EVI5: variants seen among roughly 807,000 people sequenced by gnomAD.
The protein encoded by EVI5 is ecotropic viral integration site 5.
EVI5 carries 73 observed loss-of-function variants against 112.0 expected under a neutral mutation model. The ratio of observed to expected loss-of-function variants is 0.65; its 90% confidence interval spans 0.54 to 0.79. EVI5 has a LOEUF of 0.79. EVI5 is among the 30% of genes least tolerant of loss of function. The probability of loss-of-function intolerance (pLI) is 0.00; values close to 1 mark genes in which losing one functional copy is unlikely to be tolerated. For synonymous variants in EVI5, 305 were observed against 319.9 expected, an observed-to-expected ratio of 0.95 and a Z score of 0.50; for missense variants, 900 against 968.8, an observed-to-expected ratio of 0.93 and a Z score of 0.94.
chr1:92,611,260 G>A (rs1287399604), intron 16 of EVI5, among the ~76,000 whole-genome samples: 1 of 151,852 alleles, frequency 6.6e-6, no homozygotes, highest in African/African-American at 2.4e-5. Flanking sequence ...CAAATCAAGG[G>A]AAAAACTGAG....
At position 92,697,787 on chromosome 1, in the gene EVI5, C is replaced by CTT. The variant is rs927956064; in HGVS notation, c.765+71_765+72dup. Reference sequence around the variant, plus strand: ...TTTAATGCTTTTAACATTAAATTTGCTTAGTTGGCACTCAGAACAAGATAT... The same window carrying CTT: ...TTTAATGCTTTTAACATTAAATTTGCTTTTAGTTGGCACTCAGAACAAGATAT... On this transcript the variant is annotated intron_variant, in intron 6 of 19. Transcript: ENST00000684568. 31 of 1,223,196 alleles carry CTT rather than the reference C, an allele frequency of 2.5e-5. No homozygotes were observed. In the African/African-American group the frequency reaches 4.3e-4, roughly 17 times the overall value. The allele number at this position is 1,223,196 out of a possible 1,614,324, so 75.8% of individuals were successfully genotyped here.
rs1402145834 is a variant in EVI5 at position 92,760,456 on chromosome 1, G to A, written c.-81-23829C>T. Among the ~76,000 whole-genome samples, 4 of 152,298 alleles carry A rather than the reference G, an allele frequency of 2.6e-5. 1 individual carries two copies. The highest frequency in any genetic ancestry group is 1.9e-4 in the East Asian group (1 of 5,180). Reference sequence around the variant, plus strand: ...ACAAAAGTTGGCTAAAAGAAGCGGGGCACAGTGGCTCATGCTTGTAATCCC... The same window carrying A: ...ACAAAAGTTGGCTAAAAGAAGCGGGACACAGTGGCTCATGCTTGTAATCCC... On this transcript the variant is annotated intron_variant, in intron 1 of 19. Coordinates refer to ENST00000684568, the MANE Select transcript of EVI5 (RefSeq NM_001350197.2).
chr1:92,558,837 T>TAAA (rs35604457), intron 19 of EVI5, among the ~76,000 whole-genome samples: 1 of 120,760 alleles, frequency 8.3e-6, no homozygotes, highest in Non-Finnish European at 1.8e-5. Context: ...CCCCCATCTC[T>TAAA]AAAAAAAAAA....
intron 1 of EVI5, among the ~76,000 whole-genome samples, chr1:92,740,534 A>C (rs568595980): frequency 2.6e-4 from 39 of 152,236 alleles, no homozygotes; most frequent in Middle Eastern, 3.4e-3. Context: ...GGGACTGCCA[A>C]CCAGACATCT....
In EVI5 at chr1:92,513,891, C is replaced by T; in HGVS notation, c.2246G>A (p.Gly749Glu). 6.2e-7 allele frequency: 1 copy of T among 1,610,012 alleles called. No individual in the cohort carries two copies. Among genetic ancestry groups the T allele is most frequent in the South Asian group, 1.1e-5 (1 of 90,522 alleles). ...DGIHIVNHLIGDDESFHSSDE... is the reference protein window; with the variant it reads ...DGIHIVNHLIEDDESFHSSDE... ...GGAGGAATGGAATGATTCATCATCT[C>T]CTATTAAATGGTTGACAATGTGGAT... Residue 749 changes from glycine (G) to glutamate (E), a missense_variant, in exon 20 of 20, where the codon GGA becomes GAA. By Grantham distance (98) the Gly-to-Glu change is moderately conservative (BLOSUM62 -2). Coordinates refer to ENST00000684568, the MANE Select transcript of EVI5 (RefSeq NM_001350197.2).
chr1:92,723,895 T>C (rs1379581694), intron 2 of EVI5, among the ~76,000 whole-genome samples: 1 of 152,174 alleles, frequency 6.6e-6, no homozygotes, highest in African/African-American at 2.4e-5. Context: ...GGAATGTCTG[T>C]CTTACGCGGT....
intron 13 of EVI5, among the ~76,000 whole-genome samples, chr1:92,641,878 G>A (rs773179384): frequency 2.0e-5 from 3 of 152,072 alleles, no homozygotes; most frequent in South Asian, 4.2e-4. Context: ...GGTGGCTCAC[G>A]CCTGTAATCC....
chr1:92,696,069 T>C (rs1670274943), intron 6 of EVI5, among the ~76,000 whole-genome samples: 1 of 152,112 alleles, frequency 6.6e-6, no homozygotes, highest in East Asian at 1.9e-4. Context: ...CAGCTGGTAC[T>C]ACAGGTGCAC....
intron 16 of EVI5, among the ~76,000 whole-genome samples, chr1:92,615,440 G>A (rs1464726946): frequency 1.3e-5 from 2 of 152,212 alleles, no homozygotes; most frequent in Non-Finnish European, 2.9e-5. Context: ...GCCTTGCCAG[G>A]TGTCTACTGT....
At chr1:92,711,743 C>G (rs972078460) in intron 2 of EVI5, among the ~76,000 whole-genome samples, 7 of 152,178 alleles carry the variant, frequency 4.6e-5, no homozygotes, top group African/African-American at 1.7e-4. Context: ...ACCAAAGAAA[C>G]AAGATATGAA....
chr1:92,597,215 T>C (rs1225203458), intron 18 of EVI5, among the ~76,000 whole-genome samples: 2 of 152,142 alleles, frequency 1.3e-5, no homozygotes, highest in South Asian at 2.1e-4. Context: ...AATCCTCTTG[T>C]TCTTCATAAC....
chr1:92,741,012 A>C (rs191396184), intron 1 of EVI5, among the ~76,000 whole-genome samples: 8 of 152,216 alleles, frequency 5.3e-5, no homozygotes, highest in Admixed American at 5.2e-4. Context: ...GTTTGGAAAC[A>C]AAGTTTCAAA....
chr1:92,583,119 T>G (rs1223308655), intron 18 of EVI5, among the ~76,000 whole-genome samples: 1 of 152,158 alleles, frequency 6.6e-6, no homozygotes, highest in African/African-American at 2.4e-5. Flanking sequence ...AGATCTTTAT[T>G]CTTTCTGAAA....
chr1:92,592,426 T>G (rs1407705014), intron 18 of EVI5, among the ~76,000 whole-genome samples: 1 of 152,188 alleles, frequency 6.6e-6, no homozygotes, highest in African/African-American at 2.4e-5. Context: ...AAGCAGTGTG[T>G]AGAGGGAAAT....
In EVI5 at chr1:92,511,517, GGT is replaced by G; in HGVS notation, c.*2137_*2138del. 6.6e-6 allele frequency: 1 copy of G among 152,050 alleles called. No individual in the cohort carries two copies. The highest frequency in any genetic ancestry group is 1.5e-5 in the Non-Finnish European group (1 of 68,018). 9.4% of individuals were successfully genotyped at this position (152,050 alleles called of 1,614,324 possible). On this transcript the variant is annotated 3_prime_UTR_variant, in exon 20 of 20. Transcript: ENST00000684568. ...TCAGCTGAACCCTTTCAAAAGCTTT[GGT>G]GTTAGGGAGATCTAGGTTAAAATCT...
At chr1:92,592,042 G>C (rs893331463) in intron 18 of EVI5, among the ~76,000 whole-genome samples, 2 of 152,162 alleles carry the variant, frequency 1.3e-5, no homozygotes, top group Non-Finnish European at 2.9e-5. Context: ...AGGAGATTGA[G>C]ACCATCCTGG....
chr1:92,544,276 T>C (rs1179314878), intron 19 of EVI5, among the ~76,000 whole-genome samples: 2 of 152,196 alleles, frequency 1.3e-5, no homozygotes, highest in Non-Finnish European at 2.9e-5. Flanking sequence ...GCTGCATAAC[T>C]GTGACTATAT....
intron 1 of EVI5, among the ~76,000 whole-genome samples, chr1:92,752,871 T>G (rs1222291555): frequency 5.9e-5 from 9 of 152,138 alleles, no homozygotes; most frequent in Admixed American, 3.9e-4. Context: ...TTATTTAGAA[T>G]CTACTTTCTA....
intron 1 of EVI5, among the ~76,000 whole-genome samples, chr1:92,760,635 A>G (rs1681683010): frequency 1.3e-5 from 2 of 151,848 alleles, no homozygotes; most frequent in Admixed American, 1.3e-4. Context: ...TTGAGACGCT[A>G]AGGCAGGAGA....
Sources: gnomAD v4.1 joint callset for allele counts (sites outside exome capture counted in the v4.1 genomes callset) on GRCh38, gnomAD v4.1.1 for gene constraint, MANE v1.5 for transcripts, NCBI Gene and HGNC (gene_info 2026-07-23, HGNC 2026-07-21) for gene names.